The following PLXDC2 variants were observed in gnomAD, a reference collection of about 807,000 sequenced individuals.
The protein encoded by PLXDC2 is plexin domain-containing protein 2.
PLXDC2 carries 40 observed loss-of-function variants against 68.9 expected under a neutral mutation model. That is an observed-to-expected ratio of 0.58 (90% CI 0.45 to 0.76). The LOEUF (loss-of-function observed/expected upper bound fraction) is 0.76. Among genes scored for constraint, PLXDC2 ranks in the 30% least tolerant of loss-of-function variants. PLXDC2 has a pLI of 0.00. For missense variants in PLXDC2, 644 were observed against 661.9 expected (o/e 0.97, Z 0.30); for synonymous variants, 243 against 234.2 (o/e 1.04, Z -0.34).
chr10:19,990,350 C>CTAAAG (rs1834727351), intron 1 of PLXDC2, among the ~76,000 whole-genome samples: 1 of 152,122 alleles, frequency 6.6e-6, no homozygotes, highest in African/African-American at 2.4e-5. Flanking sequence ...TAGTCTTACA[C>CTAAAG]TAAAGTAGGC....
intron 13 of PLXDC2, among the ~76,000 whole-genome samples, chr10:20,256,485 GC>G (rs1835743961): frequency 9.1e-6 from 1 of 110,324 alleles, no homozygotes; most frequent in African/African-American, 2.9e-5. Context: ...TCTTGGGACA[GC>G]CTTTGAAGGA....
intron 2 of PLXDC2, among the ~76,000 whole-genome samples, chr10:20,032,080 C>T (rs111311140): frequency 0.018 from 2,676 of 152,174 alleles, 77 homozygotes; most frequent in African/African-American, 0.061. Context: ...CTTGGCCTTC[C>T]AAAGTGCTGG....
chr10:19,914,447 ATATCT>A (rs1833331189), intron 1 of PLXDC2, among the ~76,000 whole-genome samples: 1 of 152,184 alleles, frequency 6.6e-6, no homozygotes, highest in Admixed American at 6.5e-5. Context: ...TGCATTTCTA[ATATCT>A]TAATTAATTC....
chr10:19,998,669 C>T (rs76844068), intron 1 of PLXDC2, among the ~76,000 whole-genome samples: 2,360 of 152,204 alleles, frequency 0.016, 67 homozygotes, highest in African/African-American at 0.053. Flanking sequence ...TTAGAGCAAG[C>T]AAGAGATCTG....
At chr10:19,920,285 A>G (rs1298567093) in intron 1 of PLXDC2, among the ~76,000 whole-genome samples, 1 of 151,920 alleles carries the variant, frequency 6.6e-6, no homozygotes, top group Non-Finnish European at 1.5e-5. Flanking sequence ...CTAGGGCTCC[A>G]CCCCCACAGA....
intron 12 of PLXDC2, among the ~76,000 whole-genome samples, chr10:20,236,278 C>T (rs1258578775): frequency 1.3e-5 from 2 of 151,862 alleles, no homozygotes; most frequent in Non-Finnish European, 2.9e-5. Flanking sequence ...CCCGTCTCTA[C>T]TAAAAGTACA....
chr10:20,220,100 A>G (rs1835189785), intron 12 of PLXDC2, among the ~76,000 whole-genome samples: 1 of 152,198 alleles, frequency 6.6e-6, no homozygotes, highest in Admixed American at 6.5e-5. Context: ...CCATTATTGT[A>G]TCAATTTCCC....
chr10:20,148,588 C>T (rs912188655), intron 6 of PLXDC2, among the ~76,000 whole-genome samples: 1 of 152,118 alleles, frequency 6.6e-6, no homozygotes, highest in African/African-American at 2.4e-5. Context: ...TCCAACTCTT[C>T]TGACAAAGTA....
At chr10:20,080,518 A>C (rs1836534086) in intron 4 of PLXDC2, among the ~76,000 whole-genome samples, 1 of 152,168 alleles carries the variant, frequency 6.6e-6, no homozygotes, top group Non-Finnish European at 1.5e-5. Context: ...AAGATCTTAG[A>C]GTCTGATGTT....
Position 19,894,611 on chromosome 10 carries a change from T to C in PLXDC2, c.112+77420T>C, listed in dbSNP as rs559707032. Among the ~76,000 whole-genome samples the C allele has an allele frequency of 1.2e-4, 19 of 152,350 alleles. No homozygotes were observed. The East Asian group carries it at 3.3e-3, about 26-fold the overall frequency. The stretch of plus-strand genomic sequence containing the variant: ...TTTAACTGGCATAAGTATTTTTATT[T>C]TTATCTACAATGTTACATCAGCACT... On this transcript the variant is annotated intron_variant, in intron 1 of 13. Coordinates refer to ENST00000377252, the MANE Select transcript of PLXDC2 (RefSeq NM_032812.9).
At chr10:19,885,457 A>C (rs1311375755) in intron 1 of PLXDC2, among the ~76,000 whole-genome samples, 2 of 152,038 alleles carry the variant, frequency 1.3e-5, no homozygotes, top group Non-Finnish European at 2.9e-5. Flanking sequence ...ATAATGCCTA[A>C]GTTTTCTTCT....
At chr10:19,955,156 G>A (rs1295541740) in intron 1 of PLXDC2, among the ~76,000 whole-genome samples, 1 of 143,296 alleles carries the variant, frequency 7.0e-6, no homozygotes, top group Admixed American at 7.1e-5. Context: ...CTTCTGAGTA[G>A]CTGGGACTAT....
intron 13 of PLXDC2, among the ~76,000 whole-genome samples, chr10:20,255,191 GGATAGATAGATAGATA>G (rs199581943): frequency 1.4e-3 from 134 of 96,812 alleles, no homozygotes; most frequent in South Asian, 1.0e-3. Context: ...ATAGGTGGAT[GGATAGATAGATAGATA>G]GATAGATAGA....
chr10:19,867,050 G>A (rs944472448), intron 1 of PLXDC2, among the ~76,000 whole-genome samples: 8 of 148,304 alleles, frequency 5.4e-5, no homozygotes, highest in African/African-American at 1.8e-4. Flanking sequence ...TTGGAATTCG[G>A]TCCTCCTTTC....
intron 13 of PLXDC2, among the ~76,000 whole-genome samples, 197 bp from the exon 14 acceptor site, chr10:20,279,506 C>T (rs1290735933): frequency 2.6e-5 from 4 of 152,092 alleles, no homozygotes; most frequent in East Asian, 1.9e-4. Flanking sequence ...GGGTAGATAG[C>T]GCCATCTTGG....
At chr10:20,091,175 T>A (rs923984739) in intron 4 of PLXDC2, among the ~76,000 whole-genome samples, 6 of 152,178 alleles carry the variant, frequency 3.9e-5, no homozygotes, top group Middle Eastern at 3.2e-3. Flanking sequence ...AGGCCCTACA[T>A]GGGCAGTAGG....
intron 1 of PLXDC2, among the ~76,000 whole-genome samples, chr10:19,858,086 A>G (rs1436496032): frequency 6.6e-6 from 1 of 152,154 alleles, no homozygotes; most frequent in East Asian, 1.9e-4. Flanking sequence ...CCAAACGCTC[A>G]TCTGGCCTCT....
intron 1 of PLXDC2, among the ~76,000 whole-genome samples, chr10:19,882,330 A>T (rs932206990): frequency 3.3e-5 from 5 of 152,248 alleles, no homozygotes; most frequent in African/African-American, 7.2e-5. Context: ...GAGTATGCCA[A>T]TAAAGACAAA....
At chr10:19,895,092 C>T (rs1261056476) in intron 1 of PLXDC2, among the ~76,000 whole-genome samples, 1 of 152,150 alleles carries the variant, frequency 6.6e-6, no homozygotes, top group Non-Finnish European at 1.5e-5. Context: ...GAATACTATG[C>T]AGCCATAAAA....
Sources: gnomAD v4.1 joint callset for allele counts (sites outside exome capture counted in the v4.1 genomes callset) on GRCh38, gnomAD v4.1.1 for gene constraint, MANE v1.5 for transcripts, NCBI Gene and HGNC (gene_info 2026-07-23, HGNC 2026-07-21) for gene names.